The following SCOC variants were observed in gnomAD, a reference collection of about 807,000 sequenced individuals.
SCOC encodes the protein short coiled-coil protein, also known as short coiled coil protein.
A neutral mutation model predicts 9.9 loss-of-function variants in SCOC; 7 were observed. The ratio of observed to expected loss-of-function variants is 0.71; its 90% CI spans 0.40 to 1.33. The LOEUF (loss-of-function observed/expected upper bound fraction) is 1.33, where lower values mean the gene tolerates loss of function less well. Ranked by LOEUF, SCOC falls within the 40% of genes most tolerant of loss-of-function variation. The pLI is 0.01. For synonymous variants in SCOC, 19 were observed against 28.2 expected (o/e 0.67, Z 1.03); for missense variants, 66 against 89.7 (o/e 0.74, Z 1.07).
chr4:140,276,461 G>T (rs1730985505), intron 1 of SCOC, among the ~76,000 whole-genome samples: 1 of 151,326 alleles, frequency 6.6e-6, no homozygotes, highest in Non-Finnish European at 1.5e-5. Flanking sequence ...GTTTTTGTTT[G>T]TTTGTTTGTT....
chr4:140,264,147 GCAC>G (rs1274180618), intron 1 of SCOC, among the ~76,000 whole-genome samples: 2 of 152,088 alleles, frequency 1.3e-5, no homozygotes, highest in Non-Finnish European at 2.9e-5. Context: ...CTATAGGCAT[GCAC>G]CACCACGCCC....
chr4:140,377,898 G>A (rs908613722), intron 1 of SCOC, among the ~76,000 whole-genome samples: 1 of 152,164 alleles, frequency 6.6e-6, no homozygotes, highest in Admixed American at 6.5e-5. Flanking sequence ...AATACTTGTT[G>A]AAAGAATAAC....
intron 2 of SCOC, among the ~76,000 whole-genome samples, chr4:140,359,299 G>C (rs1419155709): frequency 1.3e-5 from 2 of 152,078 alleles, no homozygotes; most frequent in Non-Finnish European, 2.9e-5. Flanking sequence ...CTGCTGGCTG[G>C]GAGCTGAGCT....
At chr4:140,373,524 A>C (rs997564499), upstream of SCOC, 27 of 1,551,534 alleles carry the variant, frequency 1.7e-5, no homozygotes, top group East Asian at 3.4e-4. Context: ...GACTGGGGTG[A>C]GGCGGGCAGC....
chr4:140,315,400 T>C (rs146279194), intron 1 of SCOC, among the ~76,000 whole-genome samples: 4 of 152,294 alleles, frequency 2.6e-5, no homozygotes, highest in African/African-American at 9.6e-5. Flanking sequence ...CTATTCCCTG[T>C]TTATATTTTA....
chr4:140,343,611 T>C, intron 1 of SCOC: 1 of 1,594,444 alleles, frequency 6.3e-7, no homozygotes, highest in Non-Finnish European at 8.6e-7. Flanking sequence ...CTCATTTTTC[T>C]TACTAACAGG....
At chr4:140,287,896 TACAC>T (rs1430641996) in intron 1 of SCOC, among the ~76,000 whole-genome samples, 2 of 151,858 alleles carry the variant, frequency 1.3e-5, no homozygotes, top group East Asian at 3.9e-4. Context: ...ACACACCACA[TACAC>T]ACAACATATG....
At chr4:140,333,919 A>G in intron 1 of SCOC, among the ~76,000 whole-genome samples, 1 of 152,172 alleles carries the variant, frequency 6.6e-6, no homozygotes, top group East Asian at 1.9e-4. Context: ...TCTTACTATT[A>G]TTATTAATAT....
chr4:140,376,070 T>TA (rs2126594098), intron 1 of SCOC, among the ~76,000 whole-genome samples: 1 of 152,272 alleles, frequency 6.6e-6, no homozygotes, highest in African/African-American at 2.4e-5. Flanking sequence ...CAACTATAGG[T>TA]AAAAAAGGAT....
chr4:140,367,590 G>C (rs1365602895), intron 2 of SCOC, among the ~76,000 whole-genome samples: 1 of 152,090 alleles, frequency 6.6e-6, no homozygotes, highest in Non-Finnish European at 1.5e-5. Context: ...ATGTTGGCCA[G>C]AATGGTCTTG....
chr4:140,336,067 A>G (rs781714001), intron 1 of SCOC, among the ~76,000 whole-genome samples: 2 of 152,132 alleles, frequency 1.3e-5, no homozygotes, highest in Non-Finnish European at 2.9e-5. Flanking sequence ...TCTATGATAC[A>G]TGGTACACTA....
In SCOC at chr4:140,383,260, A is replaced by G. The variant is rs1342297229; in HGVS notation, c.*2156A>G. The G allele has an allele frequency of 1.3e-5, 2 of 152,198 alleles. No homozygotes were observed. Among genetic ancestry groups the G allele is most frequent in the Non-Finnish European group, 2.9e-5 (2 of 68,044 alleles). The allele number at this position is 152,198 out of a possible 1,614,324, so 9.4% of individuals were successfully genotyped here. On this transcript the variant is annotated 3_prime_UTR_variant, in exon 4 of 4. Transcript: ENST00000608372. ...ACCAAGTATCTTCCCTTACACAGAA[A>G]GTAATCCCTCTTCATCCAGCTAGTG...
chr4:140,364,581 G>T (rs1309322373), intron 2 of SCOC, among the ~76,000 whole-genome samples: 1 of 152,146 alleles, frequency 6.6e-6, no homozygotes, highest in Non-Finnish European at 1.5e-5. Flanking sequence ...ATGCAGGGGG[G>T]TTATGATCAG....
At chr4:140,376,488 A>T (rs936531546) in intron 1 of SCOC, 1 of 152,080 alleles carries the variant, frequency 6.6e-6, no homozygotes, top group East Asian at 1.9e-4. Context: ...AACACTTGGG[A>T]TGCAATCTTA....
Position 140,384,942 on chromosome 4 carries a change from T to C in SCOC, c.*3838T>C, listed in dbSNP as rs1229992435. On this transcript the variant is annotated 3_prime_UTR_variant, in exon 4 of 4. Transcript: ENST00000608372. ...AAGAAACCCCAGAGAGCTCTCTTTC[T>C]GCCACATAGAAGACAGCAGTCTGCA... The C allele has an allele frequency of 2.6e-5, 4 of 152,226 alleles. No homozygotes were observed. The highest frequency in any genetic ancestry group is 9.7e-5 in the African/African-American group (4 of 41,446). The allele number at this position is 152,226 out of a possible 1,614,324, so 9.4% of individuals were successfully genotyped here.
intron 1 of SCOC, among the ~76,000 whole-genome samples, chr4:140,278,025 A>G (rs1265560164): frequency 1.3e-5 from 2 of 152,226 alleles, no homozygotes; most frequent in East Asian, 1.9e-4. Context: ...TTCTATGTAT[A>G]TTTGCTTCTT....
intron 1 of SCOC, among the ~76,000 whole-genome samples, chr4:140,334,807 T>C (rs975624161): frequency 6.6e-6 from 1 of 152,108 alleles, no homozygotes; most frequent in Non-Finnish European, 1.5e-5. Context: ...TTGACTATTT[T>C]AGACACCCCA....
chr4:140,306,456 A>G (rs1731989804), intron 1 of SCOC, among the ~76,000 whole-genome samples: 1 of 152,216 alleles, frequency 6.6e-6, no homozygotes, highest in African/African-American at 2.4e-5. Flanking sequence ...AGGTAGTTCA[A>G]TAAAGAAAAT....
intron 2 of SCOC, among the ~76,000 whole-genome samples, chr4:140,355,211 T>TTATATATATATATA (rs34322076): frequency 9.1e-4 from 56 of 61,366 alleles, no homozygotes; most frequent in Admixed American, 1.9e-3. Flanking sequence ...CATTATATTT[T>TTATATATATATATA]TATATATATA....
Sources: gnomAD v4.1 joint callset for allele counts (sites outside exome capture counted in the v4.1 genomes callset) on GRCh38, gnomAD v4.1.1 for gene constraint, MANE v1.5 for transcripts, NCBI Gene and HGNC (gene_info 2026-07-23, HGNC 2026-07-21) for gene names.